The following DGKH variants were observed in gnomAD, a reference collection of about 807,000 sequenced individuals.
The protein encoded by DGKH is DAG kinase eta.
A neutral mutation model predicts 159.3 loss-of-function variants in DGKH; 90 were observed. The observed-to-expected ratio is 0.57, with a 90% CI of 0.48 to 0.67. The LOEUF (loss-of-function observed/expected upper bound fraction) is 0.67, where lower values mean the gene tolerates loss of function less well. DGKH is among the 30% of genes least tolerant of loss of function. The pLI is 0.00. For synonymous variants in DGKH, 536 were observed against 553.8 expected, an observed-to-expected ratio of 0.97 and a Z score of 0.45; for missense variants, 1,181 against 1,506.1, an observed-to-expected ratio of 0.78 and a Z score of 3.57.
chr13:42,187,500 C>G (rs769227285), intron 14 of DGKH, among the ~76,000 whole-genome samples: 11 of 152,064 alleles, frequency 7.2e-5, no homozygotes, highest in Non-Finnish European at 1.5e-4. Context: ...TCTCAGCCCC[C>G]CAAGTAGCTG....
chr13:42,214,627 G>T lies in DGKH; in HGVS notation c.3120+15G>T, dbSNP rs1484539683. The T allele has an allele frequency of 6.2e-7, 1 of 1,607,512 alleles. No individual in the cohort carries two copies. Reference sequence around the variant, plus strand: ...GGTGCCCGGAGGTGAGGATCTAATGGTAAATTCTCATTCCACAGATTCTTT... The same window carrying T: ...GGTGCCCGGAGGTGAGGATCTAATGTTAAATTCTCATTCCACAGATTCTTT... On this transcript the variant is annotated intron_variant, in intron 25 of 29. Coordinates refer to ENST00000337343, the MANE Select transcript of DGKH (RefSeq NM_178009.5).
Position 42,159,247 on chromosome 13 carries a change from T to TTTTTTTTTTTTTTTTTTTTTTTTTTTTTG in DGKH, c.623-3_623-2insTTTTTTTTTTTTGTTTTTTTTTTTTTTTT. ...TGTCCACTTAAAAGCAGTTGCTCTT[T>TTTTTTTTTTTTTTTTTTTTTTTTTTTTTG]TTTTTTTTTTTTTTTTAGTGTGTAA... On this transcript the variant is annotated intron_variant, in intron 5 of 29. Transcript: ENST00000337343. The TTTTTTTTTTTTTTTTTTTTTTTTTTTTTG allele has an allele frequency of 1.3e-6, 1 of 776,470 alleles. No homozygotes were observed. The highest frequency in any genetic ancestry group is 3.5e-5 in the East Asian group (1 of 28,290). The allele number at this position is 776,470 out of a possible 1,614,324, so 48.1% of individuals were successfully genotyped here. A position where few individuals can be genotyped will look rare whatever the true frequency, so the allele number is the denominator to read the frequency against.
At chr13:42,247,046 G>A (rs1958586009), downstream of DGKH, among the ~76,000 whole-genome samples, 2 of 152,032 alleles carry the variant, frequency 1.3e-5, no homozygotes, top group Non-Finnish European at 2.9e-5. Context: ...TTACCTCATA[G>A]CCATCACAAC....
At position 42,165,417 on chromosome 13, in the gene DGKH, C is replaced by T. The variant is rs1401711852; in HGVS notation, c.942C>T (p.Asn314=). 1 of 1,572,048 alleles carries T rather than the reference C, an allele frequency of 6.4e-7. No individual in the cohort carries two copies. Among genetic ancestry groups the T allele is most frequent in the Non-Finnish European group, 8.6e-7 (1 of 1,158,746 alleles). Reference sequence around the variant, plus strand: ...CTATCATACCTCCAATTGCACTAAACAGCACCGATTCCGATGGTATGTAGC... The same window carrying T: ...CTATCATACCTCCAATTGCACTAAATAGCACCGATTCCGATGGTATGTAGC... ...KVSIIPPIAL[N]STDSDGFCRA... is the part of the protein sequence containing the mutation. Residue 314 remains asparagine (N), a synonymous_variant, in exon 8 of 30, where the codon AAC becomes AAT. Coordinates refer to ENST00000337343, the MANE Select transcript of DGKH (RefSeq NM_178009.5).
Position 42,077,792 on chromosome 13 carries a change from A to T in DGKH, c.192+28827A>T, listed in dbSNP as rs1377303105. 3.3e-5 allele frequency among the ~76,000 whole-genome samples: 5 copies of T among 152,236 alleles called. No homozygotes were observed. In the South Asian group the frequency reaches 1.0e-3, roughly 31 times the overall value. On this transcript the variant is annotated intron_variant, in intron 1 of 29. Coordinates refer to ENST00000337343, the MANE Select transcript of DGKH (RefSeq NM_178009.5). ...AAGGCTGTCTACTTCCATTCCAACC[A>T]AATAGAATTAGGATAAAAATATCCA...
intron 1 of DGKH, among the ~76,000 whole-genome samples, chr13:42,126,244 A>G (rs573911380): frequency 1.3e-4 from 20 of 152,352 alleles, no homozygotes; most frequent in African/African-American, 4.1e-4. Context: ...ATGTGTCAGA[A>G]GATGGAAAGT....
At chr13:42,159,118 G>T in intron 5 of DGKH, 148 bp from the exon 6 acceptor site, 1 of 526,756 alleles carries the variant, frequency 1.9e-6, no homozygotes, top group Non-Finnish European at 3.3e-6. Flanking sequence ...TACTATTGTT[G>T]CAGAATAATT....
intron 1 of DGKH, among the ~76,000 whole-genome samples, chr13:42,120,792 G>A (rs9566923): frequency 0.27 from 40,252 of 151,862 alleles, 5,462 homozygotes; most frequent in Non-Finnish European, 0.3. Flanking sequence ...CTCTAAAATT[G>A]TATGTAATTT....
chr13:42,166,702 GA>G, intron 9 of DGKH, 28 bp downstream of exon 9: 1 of 1,547,240 alleles, frequency 6.5e-7, no homozygotes, highest in Non-Finnish European at 8.7e-7. Flanking sequence ...AATCTTATTT[GA>G]ATACAATGTA....
At position 42,097,701 on chromosome 13, in the gene DGKH, A is replaced by T. The variant is rs141371611; in HGVS notation, c.193-29762A>T. On this transcript the variant is annotated intron_variant, in intron 1 of 29. Transcript: ENST00000337343. ...TTCTATTCCAGACATTCTCTGCTGG[A>T]CCCTCTCCAGAATAAACCTCCAGCC... Among the ~76,000 whole-genome samples, 185 of 152,044 alleles carry T rather than the reference A, an allele frequency of 1.2e-3. 1 individual carries two copies. The highest frequency in any genetic ancestry group is 4.3e-3 in the African/African-American group (179 of 41,444).
rs576101056 is a variant in DGKH at position 42,095,087 on chromosome 13, A to G, written c.193-32376A>G. On this transcript the variant is annotated intron_variant, in intron 1 of 29. Transcript: ENST00000337343. ...GCTTTCCTGCTTTATAATTTTTTCCATTTTGACTGTGGGAGATACTACTGT... is the reference window on the plus strand; with the variant it reads ...GCTTTCCTGCTTTATAATTTTTTCCGTTTTGACTGTGGGAGATACTACTGT... 3.4e-5 allele frequency among the ~76,000 whole-genome samples: 5 copies of G among 148,874 alleles called. No homozygotes were observed. The East Asian group carries it at 9.8e-4, about 29-fold the overall frequency.
chr13:42,056,236 A>G (rs939917048), intron 1 of DGKH, among the ~76,000 whole-genome samples: 1 of 151,974 alleles, frequency 6.6e-6, no homozygotes, highest in African/African-American at 2.4e-5. Flanking sequence ...TTTTTTTCAA[A>G]TGATCATATA....
chr13:42,255,882 C>A, intron 30 of DGKH: 2 of 1,296,516 alleles, frequency 1.5e-6, no homozygotes, highest in Non-Finnish European at 2.1e-6. Flanking sequence ...GAGAAGGTTG[C>A]TGCAAAATTG....
At chr13:42,145,472 T>C (rs1355536022) in intron 3 of DGKH, among the ~76,000 whole-genome samples, 1 of 152,070 alleles carries the variant, frequency 6.6e-6, no homozygotes, top group African/African-American at 2.4e-5. Flanking sequence ...GTCAGGATGC[T>C]CTCGGAACCT....
At chr13:42,212,659 C>T (rs1464201137) in intron 24 of DGKH, among the ~76,000 whole-genome samples, 2 of 152,168 alleles carry the variant, frequency 1.3e-5, no homozygotes, top group South Asian at 2.1e-4. Context: ...GCTCACTTGT[C>T]TATTTTCAGA....
chr13:42,057,603 A>G lies in DGKH; in HGVS notation c.192+8638A>G, dbSNP rs557211525. On this transcript the variant is annotated intron_variant, in intron 1 of 29. Coordinates refer to ENST00000337343, the MANE Select transcript of DGKH (RefSeq NM_178009.5). Reference sequence around the variant, plus strand: ...TGCATCTTCCTGTGTGCTCCTTCTCAGTTTACTCCTTTGTTGCTCCTCAAT... The same window carrying G: ...TGCATCTTCCTGTGTGCTCCTTCTCGGTTTACTCCTTTGTTGCTCCTCAAT... Among the ~76,000 whole-genome samples the G allele has an allele frequency of 3.9e-5, 6 of 152,308 alleles. No individual in the cohort carries two copies. In the South Asian group the frequency reaches 1.0e-3, roughly 26 times the overall value.
chr13:42,095,134 G>A (rs186372065), intron 1 of DGKH, among the ~76,000 whole-genome samples: 2 of 144,726 alleles, frequency 1.4e-5, no homozygotes, highest in Admixed American at 1.4e-4. Context: ...AGATATAGCA[G>A]CCGCTCAATA....
chr13:42,096,819 A>G (rs1954548686), intron 1 of DGKH, among the ~76,000 whole-genome samples: 1 of 152,220 alleles, frequency 6.6e-6, no homozygotes, highest in African/African-American at 2.4e-5. Flanking sequence ...AGGAAAATGT[A>G]CAAAGATTAT....
Position 42,199,891 on chromosome 13 carries a change from A to G in DGKH, c.2475A>G (p.Glu825=). The G allele has an allele frequency of 1.2e-6, 2 of 1,611,832 alleles. No individual in the cohort carries two copies. The highest frequency in any genetic ancestry group is 1.7e-6 in the Non-Finnish European group (2 of 1,179,046). The change falls in exon 20 of 30, where the codon GAA becomes GAG. Residue 825 remains glutamate, a synonymous_variant. Transcript: ENST00000337343. ...TACAGAGATCGTACAAGAATTTAGA[A>G]CAAAGGGTTCAACTTGAGGTAAGTT... ...ELLQRSYKNL[E]QRVQLECDGQ...
Sources: gnomAD v4.1 joint callset for allele counts (sites outside exome capture counted in the v4.1 genomes callset) on GRCh38, gnomAD v4.1.1 for gene constraint, MANE v1.5 for transcripts, NCBI Gene and HGNC (gene_info 2026-07-23, HGNC 2026-07-21) for gene names.